The following VTI1A variants were observed in gnomAD, a reference collection of about 807,000 sequenced individuals.
VTI1A encodes the protein vesicle transport through interaction with t-SNAREs homolog 1A.
A neutral mutation model predicts 34.9 loss-of-function variants in VTI1A; 22 were observed. That is an observed-to-expected ratio of 0.63 (90% CI 0.45 to 0.90). VTI1A has a LOEUF of 0.90. Ranked by LOEUF, VTI1A falls within the 40% of genes least tolerant of loss-of-function variation. The probability of loss-of-function intolerance (pLI) is 0.00; values close to 1 mark genes in which losing one functional copy is unlikely to be tolerated. For synonymous variants in VTI1A, 87 were observed against 97.3 expected (o/e 0.89, Z 0.62); for missense variants, 268 against 275.6 (o/e 0.97, Z 0.20).
chr10:112,770,652 C>T (rs1851784094), intron 7 of VTI1A, among the ~76,000 whole-genome samples: 2 of 151,834 alleles, frequency 1.3e-5, no homozygotes, highest in Admixed American at 1.3e-4. Context: ...GTGATCCACC[C>T]GACTCCACCT....
In VTI1A at chr10:112,736,159, T is replaced by C. The variant is rs555212078; in HGVS notation, c.560+67161T>C. On this transcript the variant is annotated intron_variant, in intron 7 of 7. Coordinates refer to ENST00000393077, the MANE Select transcript of VTI1A (RefSeq NM_145206.4). ...TATATGTAAATGTATAACTTTTTTTTCCCAAATGCTCTTCCTCCAGATCTT... is the reference window on the plus strand; with the variant it reads ...TATATGTAAATGTATAACTTTTTTTCCCCAAATGCTCTTCCTCCAGATCTT... 2.6e-3 allele frequency among the ~76,000 whole-genome samples: 338 copies of C among 129,908 alleles called. 1 individual carries two copies. The highest frequency in any genetic ancestry group is 9.7e-3 in the African/African-American group (307 of 31,512). The allele number at this position is 129,908 out of a possible 152,430, so 85.2% of individuals were successfully genotyped here. A position where few individuals can be genotyped will look rare whatever the true frequency, so the allele number is the denominator to read the frequency against.
upstream of VTI1A, chr10:112,447,122 G>T: frequency 2.0e-6 from 1 of 507,378 alleles, no homozygotes; most frequent in Non-Finnish European, 3.6e-6. Context: ...CACTAATTGG[G>T]GCGCTTTTCC....
At chr10:112,736,111 G>GTGTATGTATATATA (rs778802494) in intron 7 of VTI1A, among the ~76,000 whole-genome samples, 3 of 116,198 alleles carry the variant, frequency 2.6e-5, no homozygotes, top group African/African-American at 1.1e-4. Context: ...ATGTGTGTGT[G>GTGTATGTATATATA]TATATATATA....
downstream of VTI1A, among the ~76,000 whole-genome samples, chr10:112,820,922 T>G (rs1853639721): frequency 6.6e-6 from 1 of 152,064 alleles, no homozygotes; most frequent in South Asian, 2.1e-4. Flanking sequence ...GTAGGCCCCC[T>G]TGAGCTCATC....
chr10:112,596,315 T>TA (rs34076196), intron 5 of VTI1A, among the ~76,000 whole-genome samples: 125,996 of 151,998 alleles, frequency 0.83, 52,954 homozygotes, highest in African/African-American at 0.94. Context: ...AATATAATAA[T>TA]AAAAAAGCCT....
intron 5 of VTI1A, among the ~76,000 whole-genome samples, chr10:112,600,231 C>T (rs1844830013): frequency 6.6e-6 from 1 of 152,212 alleles, no homozygotes; most frequent in African/African-American, 2.4e-5. Context: ...CCTCTCCCAT[C>T]TTCCAGAGTG....
chr10:112,669,283 A>G (rs1005940980), intron 7 of VTI1A, among the ~76,000 whole-genome samples: 1 of 152,158 alleles, frequency 6.6e-6, no homozygotes, highest in Non-Finnish European at 1.5e-5. Flanking sequence ...GGAAGGCCCC[A>G]TGGGCAGCAG....
chr10:112,604,382 T>C (rs1844992923), intron 5 of VTI1A, among the ~76,000 whole-genome samples: 1 of 152,232 alleles, frequency 6.6e-6, no homozygotes, highest in African/African-American at 2.4e-5. Flanking sequence ...ATTATGATTA[T>C]GTCCTTGTTT....
intron 7 of VTI1A, among the ~76,000 whole-genome samples, chr10:112,692,601 C>T (rs535287001): frequency 1.2e-4 from 19 of 152,310 alleles, no homozygotes; most frequent in African/African-American, 4.6e-4. Context: ...TACCTACCTG[C>T]CTAACACCTA....
intron 7 of VTI1A, among the ~76,000 whole-genome samples, chr10:112,776,420 G>A (rs918275890): frequency 6.6e-6 from 1 of 152,186 alleles, no homozygotes; most frequent in Non-Finnish European, 1.5e-5. Context: ...TGCAGAAACA[G>A]GCTCTGGGCC....
intron 7 of VTI1A, among the ~76,000 whole-genome samples, chr10:112,685,350 A>T (rs1467724842): frequency 1.3e-5 from 2 of 151,556 alleles, no homozygotes; most frequent in African/African-American, 4.9e-5. Flanking sequence ...TTTTCTTCTC[A>T]TTTATCTCCA....
At chr10:112,693,989 A>T (rs1294417559) in intron 7 of VTI1A, among the ~76,000 whole-genome samples, 1 of 152,134 alleles carries the variant, frequency 6.6e-6, no homozygotes, top group East Asian at 1.9e-4. Flanking sequence ...TGGGCGGATC[A>T]CAAGGTCAGG....
chr10:112,465,241 G>A (rs1259318249), intron 3 of VTI1A, among the ~76,000 whole-genome samples: 7 of 150,310 alleles, frequency 4.7e-5, no homozygotes, highest in East Asian at 1.9e-4. Flanking sequence ...GCTTTCAACC[G>A]TATCTGCTTT....
rs34659243 is a variant in VTI1A, at chr10:112,518,589, CTATATA to C, written c.265-8480_265-8475del. Among the ~76,000 whole-genome samples, 544 of 94,290 alleles carry C rather than the reference CTATATA, an allele frequency of 5.8e-3. 4 individuals carry two copies. Among genetic ancestry groups the C allele is most frequent in the Non-Finnish European group, 8.8e-3 (429 of 48,564 alleles). The allele number at this position is 94,290 out of a possible 152,430, so 61.9% of individuals were successfully genotyped here. Reference sequence around the variant, plus strand: ...TCTCTCTCTCTCTCTCTCTCTCTCTCTATATATATATATATATATATATGTGTGTGT... The same window carrying C: ...TCTCTCTCTCTCTCTCTCTCTCTCTCTATATATATATATATATGTGTGTGT... On this transcript the variant is annotated intron_variant, in intron 3 of 7. Transcript: ENST00000393077.
intron 3 of VTI1A, among the ~76,000 whole-genome samples, chr10:112,468,237 T>C (rs1260472401): frequency 6.6e-6 from 1 of 152,218 alleles, no homozygotes; most frequent in Non-Finnish European, 1.5e-5. Flanking sequence ...GTCCTTCGAC[T>C]CCTGTTTTAC....
chr10:112,589,018 C>CTT (rs3057340), intron 5 of VTI1A, among the ~76,000 whole-genome samples: 4 of 129,254 alleles, frequency 3.1e-5, no homozygotes, highest in Non-Finnish European at 3.3e-5. Context: ...GACTCCTTGT[C>CTT]TTTTTTTTTT....
intron 7 of VTI1A, among the ~76,000 whole-genome samples, chr10:112,711,837 C>T (rs1849427008): frequency 6.6e-6 from 1 of 152,204 alleles, no homozygotes; most frequent in Non-Finnish European, 1.5e-5. Context: ...CACAAAGCAG[C>T]CATCATCTCA....
At chr10:112,455,665 C>CCCTTCCTTCCTT (rs144913637) in intron 1 of VTI1A, among the ~76,000 whole-genome samples, 13 of 125,110 alleles carry the variant, frequency 1.0e-4, no homozygotes, top group Non-Finnish European at 1.3e-4. Flanking sequence ...CTCCCTTCCT[C>CCCTTCCTTCCTT]CCTTCCTTCC....
intron 3 of VTI1A, among the ~76,000 whole-genome samples, chr10:112,473,435 G>A (rs1848169952): frequency 6.6e-6 from 1 of 151,958 alleles, no homozygotes; most frequent in Non-Finnish European, 1.5e-5. Flanking sequence ...ATAAAAGATT[G>A]TAACATTAGT....
Sources: allele counts gnomAD v4.1 joint callset (sites outside exome capture counted in the v4.1 genomes callset), GRCh38; gene constraint gnomAD v4.1.1; transcripts MANE v1.5; gene names NCBI Gene and HGNC (gene_info 2026-07-23, HGNC 2026-07-21).